DCT: variants seen among roughly 807,000 people sequenced by gnomAD.
The protein encoded by DCT is dopachrome tautomerase.
A neutral mutation model predicts 53.0 loss-of-function variants in DCT; 47 were observed. That is an observed-to-expected ratio of 0.89 (90% CI 0.70 to 1.13). The LOEUF (loss-of-function observed/expected upper bound fraction) is 1.13. DCT is among the 50% of genes most tolerant of loss of function. DCT has a pLI of 0.00. For synonymous variants in DCT, 244 were observed against 237.0 expected (o/e 1.03, Z -0.27); for missense variants, 669 against 637.4 (o/e 1.05, Z -0.53).
intron 6 of DCT, among the ~76,000 whole-genome samples, chr13:94,446,032 C>G (rs1223933683): frequency 6.6e-6 from 1 of 152,116 alleles, no homozygotes; most frequent in African/African-American, 2.4e-5. Flanking sequence ...ACACTGCTGC[C>G]CCCTGGGTGG....
At chr13:94,513,343 C>T in the DCT span, among the ~76,000 whole-genome samples, 3 of 152,298 alleles carry the variant, frequency 2.0e-5, no homozygotes, top group African/African-American at 7.2e-5. Flanking sequence ...ACTCTCTCCA[C>T]TCAAAGTGCT....
the DCT span, among the ~76,000 whole-genome samples, chr13:94,490,523 A>AAAAAAAAAAAAAAAAAAAAAAAAAAAC: frequency 6.7e-6 from 1 of 148,538 alleles, no homozygotes; most frequent in African/African-American, 2.5e-5. Context: ...AAAAAAAAAA[A>AAAAAAAAAAAAAAAAAAAAAAAAAAAC]AAAAAAAACA....
chr13:94,515,364 A>G, the DCT span, among the ~76,000 whole-genome samples: 3 of 152,350 alleles, frequency 2.0e-5, no homozygotes, highest in South Asian at 6.2e-4. Context: ...AACAGTGGGA[A>G]TGAAGAGGAT....
chr13:94,478,747 A>G (rs1373446792), intron 1 of DCT, among the ~76,000 whole-genome samples: 1 of 152,264 alleles, frequency 6.6e-6, no homozygotes, highest in Non-Finnish European at 1.5e-5. Flanking sequence ...GGCCCACGCC[A>G]TATTTATTTA....
chr13:94,512,163 G>A, the DCT span, among the ~76,000 whole-genome samples: 6 of 152,108 alleles, frequency 3.9e-5, no homozygotes, highest in Non-Finnish European at 8.8e-5. Context: ...CAACAGCAAC[G>A]ATAATAACAA....
the DCT span, among the ~76,000 whole-genome samples, chr13:94,501,929 C>G: frequency 6.6e-6 from 1 of 152,156 alleles, no homozygotes; most frequent in Non-Finnish European, 1.5e-5. Context: ...GTATTATTGT[C>G]TCCCTCACTC....
chr13:94,522,910 A>G, the DCT span, among the ~76,000 whole-genome samples: 474 of 152,362 alleles, frequency 3.1e-3, 2 homozygotes, highest in African/African-American at 0.011. Flanking sequence ...CTGCAGGAGC[A>G]TTAACCATGC....
the DCT span, among the ~76,000 whole-genome samples, chr13:94,515,807 G>A: frequency 1.3e-5 from 2 of 152,180 alleles, no homozygotes; most frequent in Admixed American, 1.3e-4. Flanking sequence ...TGGGAGTTCA[G>A]CTAGAGAATG....
At chr13:94,525,979 T>C in the DCT span, among the ~76,000 whole-genome samples, 1 of 152,254 alleles carries the variant, frequency 6.6e-6, no homozygotes, top group African/African-American at 2.4e-5. Flanking sequence ...AAGGCCATGA[T>C]GATTATAGCT....
chr13:94,500,397 T>C, the DCT span, among the ~76,000 whole-genome samples: 1 of 152,170 alleles, frequency 6.6e-6, no homozygotes, highest in African/African-American at 2.4e-5. Context: ...TTCACTACCA[T>C]GAAAACAGTA....
the DCT span, among the ~76,000 whole-genome samples, chr13:94,489,376 C>A: frequency 6.6e-6 from 1 of 152,052 alleles, no homozygotes; most frequent in Non-Finnish European, 1.5e-5. Flanking sequence ...AAGAAACTTA[C>A]CAGTTCTATG....
At chr13:94,480,132 C>G (rs892568028), upstream of DCT, among the ~76,000 whole-genome samples, 3 of 152,196 alleles carry the variant, frequency 2.0e-5, no homozygotes, top group Non-Finnish European at 4.4e-5. Flanking sequence ...TGGGAATCCT[C>G]TTCCCTCCAA....
the DCT span, among the ~76,000 whole-genome samples, chr13:94,506,377 T>G: frequency 6.6e-6 from 1 of 152,082 alleles, no homozygotes; most frequent in East Asian, 1.9e-4. Flanking sequence ...TAAGGAGTCC[T>G]CCCTAAAATG....
the DCT span, among the ~76,000 whole-genome samples, chr13:94,540,681 C>G: frequency 2.0e-5 from 3 of 152,140 alleles, no homozygotes; most frequent in Admixed American, 6.5e-5. Flanking sequence ...AAGGGGAACC[C>G]TCGTACACTG....
the DCT span, among the ~76,000 whole-genome samples, chr13:94,540,683 C>T: frequency 8.5e-5 from 13 of 152,118 alleles, no homozygotes; most frequent in Non-Finnish European, 1.9e-4. Context: ...GGGGAACCCT[C>T]GTACACTGTT....
chr13:94,477,111 T>A (rs373525164), intron 1 of DCT, among the ~76,000 whole-genome samples: 12 of 152,228 alleles, frequency 7.9e-5, no homozygotes, highest in Middle Eastern at 3.4e-3. Context: ...TTATTTATTT[T>A]TTTGAGACAG....
chr13:94,453,723 T>C (rs1292571183), intron 6 of DCT, among the ~76,000 whole-genome samples: 2 of 152,230 alleles, frequency 1.3e-5, no homozygotes. Context: ...TGAGATCTGA[T>C]GGTTTTATAA....
the DCT span, among the ~76,000 whole-genome samples, chr13:94,491,416 C>T: frequency 6.6e-6 from 1 of 152,158 alleles, no homozygotes; most frequent in Non-Finnish European, 1.5e-5. Flanking sequence ...GGGGCCCATC[C>T]TACTCCAGTA....
intron 6 of DCT, among the ~76,000 whole-genome samples, chr13:94,455,381 T>TACAGAGAGAG (rs139095318): frequency 7.1e-6 from 1 of 141,652 alleles, no homozygotes; most frequent in Non-Finnish European, 1.5e-5. Context: ...GACTGTCTCT[T>TACAGAGAGAG]AGAGAGAGAG....
Sources: gnomAD v4.1 joint callset for allele counts (sites outside exome capture counted in the v4.1 genomes callset) on GRCh38, gnomAD v4.1.1 for gene constraint, MANE v1.5 for transcripts, NCBI Gene and HGNC (gene_info 2026-07-23, HGNC 2026-07-21) for gene names.